Variants in CTNNBL1 observed in about 807,000 individuals in gnomAD.
The protein encoded by CTNNBL1 is catenin beta like 1, also known as beta-catenin-like protein 1.
CTNNBL1 carries 31 observed loss-of-function variants against 72.7 expected under a neutral mutation model. The observed-to-expected ratio is 0.43, with a 90% CI of 0.32 to 0.58. The LOEUF (loss-of-function observed/expected upper bound fraction) is 0.58, where lower values mean the gene tolerates loss of function less well. Among genes scored for constraint, CTNNBL1 ranks in the 20% least tolerant of loss-of-function variants. The pLI is 0.08. For missense variants in CTNNBL1, 534 were observed against 725.1 expected (o/e 0.74, Z 3.03); for synonymous variants, 240 against 267.3 (o/e 0.90, Z 1.00).
chr20:37,867,197 TCA>T (rs1485857933), intron 15 of CTNNBL1, among the ~76,000 whole-genome samples: 2 of 152,194 alleles, frequency 1.3e-5, no homozygotes, highest in Admixed American at 6.5e-5. Context: ...TTTTCCTTTC[TCA>T]GTTTCTATTT....
intron 1 of CTNNBL1, among the ~76,000 whole-genome samples, chr20:37,712,581 T>C (rs1169529809): frequency 1.3e-5 from 2 of 152,244 alleles, no homozygotes; most frequent in South Asian, 2.1e-4. Flanking sequence ...AGTGACTGCA[T>C]TGAGCAGCGA....
At chr20:37,740,411 A>T (rs2073205999) in intron 3 of CTNNBL1, among the ~76,000 whole-genome samples, 1 of 152,186 alleles carries the variant, frequency 6.6e-6, no homozygotes, top group African/African-American at 2.4e-5. Context: ...TTTTGATCGC[A>T]TACCCAAAAA....
intron 11 of CTNNBL1, among the ~76,000 whole-genome samples, chr20:37,830,346 C>T (rs762063154): frequency 1.4e-4 from 21 of 152,094 alleles, no homozygotes; most frequent in Non-Finnish European, 2.4e-4. Flanking sequence ...AGTAAATGAA[C>T]GAGTCCTGTG....
At chr20:37,737,009 G>T (rs2073177237) in intron 2 of CTNNBL1, among the ~76,000 whole-genome samples, 2 of 151,984 alleles carry the variant, frequency 1.3e-5, no homozygotes, top group South Asian at 4.1e-4. Context: ...AGATCACGAG[G>T]TCAGGAGATC....
chr20:37,810,058 T>C lies in CTNNBL1; in HGVS notation c.1213+7010T>C, dbSNP rs146079315. ...TTATCTTTAAGATCAAAATTAATAC[T>C]TACCTTCTTGGGTAAGAATTAATTG... On this transcript the variant is annotated intron_variant, in intron 11 of 15. Coordinates refer to ENST00000361383, the MANE Select transcript of CTNNBL1 (RefSeq NM_030877.5). Among the ~76,000 whole-genome samples, 464 of 152,332 alleles carry C rather than the reference T, an allele frequency of 3.0e-3. 5 individuals are homozygous for C. Among genetic ancestry groups the C allele is most frequent in the African/African-American group, 0.01 (416 of 41,574 alleles).
chr20:37,819,194 G>A (rs866651985), intron 11 of CTNNBL1, among the ~76,000 whole-genome samples: 32 of 152,230 alleles, frequency 2.1e-4, no homozygotes, highest in Admixed American at 1.2e-3. Flanking sequence ...AACTTCCCCC[G>A]TAAATGAAGA....
intron 13 of CTNNBL1, among the ~76,000 whole-genome samples, chr20:37,847,556 G>A (rs2072356767): frequency 6.6e-6 from 1 of 152,116 alleles, no homozygotes. Context: ...ATACTAAGAT[G>A]CCTGTTGTTG....
chr20:37,767,100 C>CT lies in CTNNBL1; in HGVS notation c.659-850dup, dbSNP rs200072368. The stretch of plus-strand genomic sequence containing the variant: ...AGGAGGTGTGGTGATTTCTTCAGCC[C>CT]TTTCTCCTTCAAAATTCACACCCAA... On this transcript the variant is annotated intron_variant, in intron 6 of 15. Transcript: ENST00000361383. Among the ~76,000 whole-genome samples, 931 of 152,174 alleles carry CT rather than the reference C, an allele frequency of 6.1e-3. 15 individuals are homozygous for CT. Among genetic ancestry groups the CT allele is most frequent in the African/African-American group, 0.021 (851 of 41,506 alleles).
At chr20:37,799,394 A>G (rs551301119) in intron 10 of CTNNBL1, among the ~76,000 whole-genome samples, 1 of 152,180 alleles carries the variant, frequency 6.6e-6, no homozygotes, top group Admixed American at 6.5e-5. Context: ...GCCATTCGGA[A>G]CTACCTCTAG....
intron 10 of CTNNBL1, among the ~76,000 whole-genome samples, chr20:37,779,586 C>T (rs2073608336): frequency 6.6e-6 from 1 of 152,128 alleles, no homozygotes; most frequent in Non-Finnish European, 1.5e-5. Context: ...AATACGTCCA[C>T]TCCATTGAAG....
chr20:37,697,922 A>C (rs2072807584), intron 1 of CTNNBL1, among the ~76,000 whole-genome samples: 1 of 152,168 alleles, frequency 6.6e-6, no homozygotes, highest in Admixed American at 6.6e-5. Context: ...GTGATCATAA[A>C]CATTTGTTTA....
intron 15 of CTNNBL1, among the ~76,000 whole-genome samples, chr20:37,868,130 C>A (rs934596650): frequency 6.6e-6 from 1 of 152,184 alleles, no homozygotes; most frequent in African/African-American, 2.4e-5. Flanking sequence ...CCACATCTGT[C>A]CTGGCCACCG....
intron 3 of CTNNBL1, among the ~76,000 whole-genome samples, chr20:37,742,289 G>A (rs1172767470): frequency 6.6e-6 from 1 of 152,180 alleles, no homozygotes; most frequent in Non-Finnish European, 1.5e-5. Flanking sequence ...AACCACCGTA[G>A]CACTTGTGGC....
At chr20:37,823,910 G>A (rs2072133644) in intron 11 of CTNNBL1, among the ~76,000 whole-genome samples, 3 of 152,204 alleles carry the variant, frequency 2.0e-5, no homozygotes, top group Non-Finnish European at 4.4e-5. Flanking sequence ...TGAGAAGACA[G>A]TGAGCAAACC....
chr20:37,867,440 A>G (rs914426727), intron 15 of CTNNBL1, among the ~76,000 whole-genome samples: 7 of 152,008 alleles, frequency 4.6e-5, no homozygotes, highest in Admixed American at 3.9e-4. Flanking sequence ...TAAACAGAAC[A>G]GCTTGTATTC....
Position 37,859,956 on chromosome 20 carries a change from C to G in CTNNBL1, c.1450C>G (p.Arg484Gly). 6.2e-7 allele frequency: 1 copy of G among 1,614,162 alleles called. No individual in the cohort carries two copies. The highest frequency in any genetic ancestry group is 8.5e-7 in the Non-Finnish European group (1 of 1,180,034). The change falls in exon 14 of 16, where the codon CGG (arginine) becomes GGG (glycine). Residue 484 changes from arginine (R) to glycine (G), a missense_variant. Physicochemically the swap from Arg to Gly is moderately radical, Grantham distance 125. Coordinates refer to ENST00000361383, the MANE Select transcript of CTNNBL1 (RefSeq NM_030877.5). The part of the protein sequence containing the change: ...DNDTEEEFYL[R>G]RLDAGLFVLQ... ...TGACACCGAGGAGGAGTTCTACCTC[C>G]GGCGCCTGGATGCGGGGCTCTTTGT...
chr20:37,839,591 G>A (rs2072284276), intron 11 of CTNNBL1, among the ~76,000 whole-genome samples: 1 of 152,212 alleles, frequency 6.6e-6, no homozygotes, highest in African/African-American at 2.4e-5. Flanking sequence ...CTTTAAACTT[G>A]AAGCGGGGAT....
intron 13 of CTNNBL1, among the ~76,000 whole-genome samples, chr20:37,853,925 A>G (rs112701347): frequency 0.012 from 1,824 of 152,332 alleles, 37 homozygotes; most frequent in African/African-American, 0.042. Context: ...GCTGGTTTCT[A>G]TGGCACTTCT....
At chr20:37,811,211 C>T (rs1321575963) in intron 11 of CTNNBL1, among the ~76,000 whole-genome samples, 2 of 152,162 alleles carry the variant, frequency 1.3e-5, no homozygotes, top group African/African-American at 2.4e-5. Context: ...TACCAAGGAA[C>T]CTCAGGTCCC....
Sources: gnomAD v4.1 joint callset for allele counts (sites outside exome capture counted in the v4.1 genomes callset) on GRCh38, gnomAD v4.1.1 for gene constraint, MANE v1.5 for transcripts, NCBI Gene and HGNC (gene_info 2026-07-23, HGNC 2026-07-21) for gene names.